The following TBL1X variants were observed in gnomAD, a reference collection of about 807,000 sequenced individuals.
The protein encoded by TBL1X is transducin beta like 1 X-linked.
TBL1X carries 10 observed loss-of-function variants against 50.7 expected under a neutral mutation model. The ratio of observed to expected loss-of-function variants is 0.20; its 90% CI spans 0.12 to 0.33. TBL1X has a LOEUF of 0.33. TBL1X is among the 10% of genes least tolerant of loss of function. TBL1X has a pLI of 1.00. For missense variants in TBL1X, 340 were observed against 504.4 expected, an observed-to-expected ratio of 0.67 and a Z score of 3.12; for synonymous variants, 190 against 214.7, an observed-to-expected ratio of 0.88 and a Z score of 1.01.
At chrX:9,583,775 T>C (rs1018029199) in intron 2 of TBL1X, among the ~76,000 whole-genome samples, 2 of 111,705 alleles carry the variant, frequency 1.8e-5, no homozygotes, top group Non-Finnish European at 3.8e-5. Flanking sequence ...AGTTCGCCTC[T>C]TTTTTTCTGG....
At chrX:9,607,964 A>AT (rs370098919) in intron 2 of TBL1X, among the ~76,000 whole-genome samples, 3,332 of 92,067 alleles carry the variant, frequency 0.036, 150 homozygotes, top group African/African-American at 0.12. Context: ...CATGCCTGGA[A>AT]TTTTTTTTTT....
rs549082362 is a variant in TBL1X at position 9,597,286 on chromosome X, G to A, written c.-130-42987G>A. Among the ~76,000 whole-genome samples the A allele has an allele frequency of 1.3e-4, 15 of 111,803 alleles. No individual in the cohort carries two copies. In the South Asian group the frequency reaches 5.3e-3, roughly 39 times the overall value. On this transcript the variant is annotated intron_variant, in intron 2 of 17. Transcript: ENST00000645353. ...ATGTTGAGAAAAGATTGAGCCATGC[G>A]GAGAACGGGCAGGGTGTTGAAGTAC...
intron 1 of TBL1X, among the ~76,000 whole-genome samples, chrX:9,467,910 G>A (rs2081787122): frequency 8.9e-6 from 1 of 112,361 alleles, no homozygotes; most frequent in African/African-American, 3.2e-5. Context: ...AAAGACAGCC[G>A]TTAAGGAGTC....
chrX:9,615,554 C>T (rs973676720), intron 2 of TBL1X, among the ~76,000 whole-genome samples: 2 of 112,233 alleles, frequency 1.8e-5, no homozygotes, highest in African/African-American at 6.5e-5. Flanking sequence ...CAAAGGACGC[C>T]TCTGTCCTAC....
At chrX:9,648,340 A>C (rs2082816003) in intron 3 of TBL1X, among the ~76,000 whole-genome samples, 1 of 112,626 alleles carries the variant, frequency 8.9e-6, no homozygotes, top group African/African-American at 3.2e-5. Flanking sequence ...GTCCACAAAA[A>C]TAGTTCTTGG....
intron 5 of TBL1X, among the ~76,000 whole-genome samples, chrX:9,662,296 G>A (rs996992588): frequency 9.0e-6 from 1 of 111,601 alleles, no homozygotes. Flanking sequence ...GAACACCTCA[G>A]CGGAAGCAAC....
chrX:9,692,090 GC>G (rs2083101429), intron 8 of TBL1X, 22 bp from the exon 9 acceptor site: 2 of 1,211,531 alleles, frequency 1.7e-6, no homozygotes, highest in Non-Finnish European at 2.2e-6. Context: ...AACACCAGAG[GC>G]TCCTGTGTTT....
At chrX:9,651,260 G>T (rs2082833891) in intron 3 of TBL1X, among the ~76,000 whole-genome samples, 1 of 111,197 alleles carries the variant, frequency 9.0e-6, no homozygotes, top group South Asian at 3.7e-4. Context: ...GCCCAGGCAG[G>T]TCTCAAACTC....
chrX:9,542,960 C>T (rs1309449948), intron 2 of TBL1X, among the ~76,000 whole-genome samples: 1 of 111,666 alleles, frequency 9.0e-6, no homozygotes, highest in Non-Finnish European at 1.9e-5. Context: ...TGTCCCCTGC[C>T]ACGTGTCACC....
chrX:9,590,275 A>G (rs1247150104), intron 2 of TBL1X, among the ~76,000 whole-genome samples: 2 of 112,034 alleles, frequency 1.8e-5, no homozygotes, highest in East Asian at 2.8e-4. Flanking sequence ...AGATGTCAAC[A>G]TAAGTGGAAG....
chrX:9,466,224 G>A (rs72611496), intron 1 of TBL1X, among the ~76,000 whole-genome samples: 13,195 of 112,301 alleles, frequency 0.12, 877 homozygotes, highest in East Asian at 0.49. Flanking sequence ...TTGCTATCCA[G>A]GGGGACCTTC....
intron 2 of TBL1X, among the ~76,000 whole-genome samples, chrX:9,544,536 T>C (rs746168129): frequency 8.9e-6 from 1 of 111,930 alleles, no homozygotes; most frequent in East Asian, 2.8e-4. Context: ...TTTATTTTGC[T>C]TATTTTAATA....
chrX:9,519,561 G>A (rs2082097186), intron 2 of TBL1X, among the ~76,000 whole-genome samples: 2 of 112,192 alleles, frequency 1.8e-5, no homozygotes, highest in Non-Finnish European at 3.8e-5. Flanking sequence ...AGAAGACTTG[G>A]GCTGTATCCC....
intron 5 of TBL1X, 100 bp downstream of exon 5, chrX:9,654,422 A>AAGG (rs2082854264): frequency 2.2e-6 from 2 of 918,945 alleles, no homozygotes; most frequent in Non-Finnish European, 3.1e-6. Context: ...GAAGAAGAAG[A>AAGG]AGAAGAGCTA....
At position 9,524,394 on chromosome X, in the gene TBL1X, C is replaced by T. The variant is rs982410641; in HGVS notation, c.-131+22545C>T. ...CCATACATAACTACCCACTCATTTC[C>T]CCATTCCCAGCCCCAGCACCCACCC... On this transcript the variant is annotated intron_variant, in intron 2 of 17. Transcript: ENST00000645353. Among the ~76,000 whole-genome samples the T allele has an allele frequency of 8.2e-4, 92 of 112,211 alleles. 2 individuals carry two copies. In the Admixed American group the frequency reaches 8.6e-3, roughly 10 times the overall value.
chrX:9,711,071 G>A lies in TBL1X; in HGVS notation c.1440-540G>A, dbSNP rs139805529. ...AAACATAGAAACAGGGCTGGGCGCAGTGGCTTACACCTGTAATCCCAACAG... is the reference window on the plus strand; with the variant it reads ...AAACATAGAAACAGGGCTGGGCGCAATGGCTTACACCTGTAATCCCAACAG... On this transcript the variant is annotated intron_variant, in intron 15 of 17. Coordinates refer to ENST00000645353, the MANE Select transcript of TBL1X (RefSeq NM_005647.4). Among the ~76,000 whole-genome samples, 306 of 112,021 alleles carry A rather than the reference G, an allele frequency of 2.7e-3. 1 individual carries two copies. The highest frequency in any genetic ancestry group is 9.4e-3 in the African/African-American group (291 of 30,824).
At chrX:9,658,510 G>A (rs1411860312) in intron 5 of TBL1X, among the ~76,000 whole-genome samples, 3 of 111,293 alleles carry the variant, frequency 2.7e-5, no homozygotes, top group Non-Finnish European at 5.7e-5. Context: ...AGCCAGGGAA[G>A]TGGAAGTCCA....
At chrX:9,593,127 C>T (rs780446330) in intron 2 of TBL1X, among the ~76,000 whole-genome samples, 17 of 111,329 alleles carry the variant, frequency 1.5e-4, no homozygotes, top group South Asian at 3.8e-4. Flanking sequence ...TGGGGTCGGG[C>T]GCGGTGGCTC....
intron 5 of TBL1X, among the ~76,000 whole-genome samples, chrX:9,672,178 A>C (rs1004594609): frequency 6.2e-5 from 7 of 112,139 alleles, no homozygotes; most frequent in Admixed American, 9.4e-5. Flanking sequence ...ATAAGCCTTA[A>C]ATTTCACTTC....
Sources: gnomAD v4.1 joint callset for allele counts (sites outside exome capture counted in the v4.1 genomes callset) on GRCh38, gnomAD v4.1.1 for gene constraint, MANE v1.5 for transcripts, NCBI Gene and HGNC (gene_info 2026-07-23, HGNC 2026-07-21) for gene names.